SMC2: variants seen among roughly 807,000 people sequenced by gnomAD.
SMC2 encodes the protein structural maintenance of chromosomes protein 2.
SMC2 carries 41 observed loss-of-function variants against 142.6 expected under a neutral mutation model. That is an observed-to-expected ratio of 0.29 (90% CI 0.22 to 0.37). The LOEUF is 0.37. SMC2 is among the 10% of genes least tolerant of loss of function. The pLI, the probability that SMC2 is intolerant of heterozygous loss-of-function variation, is 1.00. For missense variants in SMC2, 1,265 were observed against 1,373.7 expected (o/e 0.92, Z 1.25); for synonymous variants, 463 against 457.5 (o/e 1.01, Z -0.15).
chr9:104,114,958 A>G (rs999312), intron 13 of SMC2, 129 bp downstream of exon 13: 16 of 638,814 alleles, frequency 2.5e-5, no homozygotes, highest in African/African-American at 1.6e-4. Flanking sequence ...GGGTAAAACT[A>G]TTTGGTTCAT....
rs747086609 is a variant in SMC2, at chr9:104,129,602, G to A, written c.2791-43G>A. 3.4e-6 allele frequency: 5 copies of A among 1,465,064 alleles called. No homozygotes were observed. In the South Asian group the frequency reaches 4.6e-5, roughly 13 times the overall value. 90.8% of individuals were successfully genotyped at this position (1,465,064 alleles called of 1,614,324 possible). On this transcript the variant is annotated intron_variant, in intron 20 of 24. Coordinates refer to ENST00000374793, the MANE Select transcript of SMC2 (RefSeq NM_006444.3). ...GAAACTGGCTTATACATATTGGTTT[G>A]TAAACATTCATAGATCTCCCATCTA...
At chr9:104,103,496 A>G (rs1056110687) in intron 9 of SMC2, among the ~76,000 whole-genome samples, 1 of 152,180 alleles carries the variant, frequency 6.6e-6, no homozygotes, top group Non-Finnish European at 1.5e-5. Context: ...GTGATTCAGG[A>G]GAGAGAGATG....
chr9:104,114,963 G>T, intron 13 of SMC2, 134 bp downstream of exon 13: 1 of 609,234 alleles, frequency 1.6e-6, no homozygotes, highest in Middle Eastern at 4.8e-4. Context: ...AAACTATTTG[G>T]TTCATAACTT....
At chr9:104,136,408 AGT>A (rs1835530029) in intron 23 of SMC2, among the ~76,000 whole-genome samples, 1 of 152,140 alleles carries the variant, frequency 6.6e-6, no homozygotes, top group African/African-American at 2.4e-5. Context: ...TGGATTCCAC[AGT>A]TTAGTTCCCA....
Position 104,129,861 on chromosome 9 carries a change from AT to A in SMC2, c.2991+17del. On this transcript the variant is annotated intron_variant, in intron 21 of 24. Coordinates refer to ENST00000374793, the MANE Select transcript of SMC2 (RefSeq NM_006444.3). ...TGAAGAGCGAGTAAGTCAATTTCTT[AT>A]GAATATCTGGCCGCATTAGAACATG... is the stretch of plus-strand genomic sequence containing the variant. 2 of 1,595,564 alleles carry A rather than the reference AT, an allele frequency of 1.3e-6. No homozygotes were observed. Among genetic ancestry groups the A allele is most frequent in the Non-Finnish European group, 1.7e-6 (2 of 1,164,034 alleles).
At chr9:104,093,640 G>A (rs147977639), upstream of SMC2, among the ~76,000 whole-genome samples, 60 of 152,296 alleles carry the variant, frequency 3.9e-4, no homozygotes, top group African/African-American at 1.4e-3. Flanking sequence ...GTATAAGGGA[G>A]ATGAATAGCT....
At chr9:104,122,881 A>G (rs1587969644) in intron 16 of SMC2, among the ~76,000 whole-genome samples, 1 of 152,136 alleles carries the variant, frequency 6.6e-6, no homozygotes, top group East Asian at 1.9e-4. Context: ...TAGTTGTTAC[A>G]GATTTTAGTC....
At chr9:104,111,491 A>T (rs1254176045) in intron 9 of SMC2, 90 bp from the exon 10 acceptor site, 1 of 702,344 alleles carries the variant, frequency 1.4e-6, no homozygotes, top group African/African-American at 1.8e-5. Context: ...CCAAATTGCT[A>T]TGGAATTTTA....
chr9:104,114,971 CT>C, intron 13 of SMC2, 142 bp downstream of exon 13: 1 of 568,486 alleles, frequency 1.8e-6, no homozygotes, highest in Non-Finnish European at 2.8e-6. Flanking sequence ...TGGTTCATAA[CT>C]TTTTGATAAC....
At chr9:104,133,673 G>A (rs1237075757) in intron 22 of SMC2, among the ~76,000 whole-genome samples, 2 of 152,160 alleles carry the variant, frequency 1.3e-5, no homozygotes, top group East Asian at 1.9e-4. Context: ...AAGTGCGTAT[G>A]AACAAAAATT....
rs963719576 is a variant in SMC2, at chr9:104,127,438, C to A, written c.2748C>A (p.Asn916Lys). 4 of 1,612,548 alleles carry A rather than the reference C, an allele frequency of 2.5e-6. No individual in the cohort carries two copies. The highest frequency in any genetic ancestry group is 3.4e-6 in the Non-Finnish European group (4 of 1,179,300). The change falls in exon 20 of 25, where the codon AAC becomes AAA. Residue 916 changes from asparagine (N) to lysine (K), a missense_variant. By Grantham distance (94) the Asn-to-Lys change is moderately conservative. Around this residue, in one of 4 missense-constraint regions of SMC2, gnomAD observed 898 missense variants for 904.2 expected, o/e 0.99. Transcript: ENST00000374793. ...SQLKIKELDH[N>K]ISKHKREAED... The stretch of plus-strand genomic sequence containing the variant: ...TTAAAATTAAGGAATTAGACCACAA[C>A]ATCAGCAAACATAAACGGGAGGCTG...
At chr9:104,101,241 C>A (rs950827007) in intron 7 of SMC2, among the ~76,000 whole-genome samples, 1 of 152,086 alleles carries the variant, frequency 6.6e-6, no homozygotes, top group Admixed American at 6.5e-5. Context: ...AGCCAAACGA[C>A]GTTTTTAAAG....
intron 10 of SMC2, 96 bp downstream of exon 10, chr9:104,111,910 A>G (rs1832495245): frequency 4.5e-6 from 4 of 881,058 alleles, no homozygotes; most frequent in Non-Finnish European, 6.8e-6. Context: ...GTTGAAAATA[A>G]TCAGTCTCAA....
chr9:104,121,666 A>C (rs888959604), intron 16 of SMC2, among the ~76,000 whole-genome samples: 1 of 152,248 alleles, frequency 6.6e-6, no homozygotes, highest in Admixed American at 6.5e-5. Flanking sequence ...TGTTTTTAGC[A>C]TTCAATTTCT....
chr9:104,094,487 G>C lies in SMC2; in HGVS notation c.-62+10G>C, dbSNP rs1260037503. On this transcript the variant is annotated intron_variant, in intron 1 of 24. Transcript: ENST00000374793. ...CTGGCCTGAGGCAGCGGTGAGGCGT[G>C]TGCGTGAGCACGGCCGGTTGGGCCG... is the stretch of plus-strand genomic sequence containing the variant. 3 of 395,296 alleles carry C rather than the reference G, an allele frequency of 7.6e-6. No individual in the cohort carries two copies. The highest frequency in any genetic ancestry group is 7.2e-5 in the East Asian group (2 of 27,658). 24.5% of individuals were successfully genotyped at this position (395,296 alleles called of 1,614,324 possible).
intron 22 of SMC2, 69 bp from the exon 23 acceptor site, chr9:104,134,346 C>T (rs1234923735): frequency 2.5e-6 from 3 of 1,196,558 alleles, no homozygotes; most frequent in African/African-American, 1.6e-5. Flanking sequence ...GTTGCATATA[C>T]ATATATCAAC....
chr9:104,101,906 A>G (rs967122146), intron 7 of SMC2, 54 bp from the exon 8 acceptor site: 1 of 1,086,652 alleles, frequency 9.2e-7, no homozygotes, highest in Non-Finnish European at 1.3e-6. Context: ...GCATAATTGA[A>G]TTTTTTTTTT....
intron 22 of SMC2, among the ~76,000 whole-genome samples, chr9:104,133,315 C>G (rs914321082): frequency 1.3e-5 from 2 of 152,114 alleles, no homozygotes; most frequent in African/African-American, 2.4e-5. Flanking sequence ...ATTCCTCTCT[C>G]TTGGTCCTGA....
In SMC2 at chr9:104,123,237, G is replaced by A. The variant is rs1197589897; in HGVS notation, c.2257+5G>A. The A allele has an allele frequency of 2.5e-6, 4 of 1,611,014 alleles. No individual in the cohort carries two copies. The highest frequency in any genetic ancestry group is 3.4e-6 in the Non-Finnish European group (4 of 1,178,480). ...ATGCCCTTAAAAAAACCATTGGTAA[G>A]ATGAAAACAGTCCATGCTTAATCTC... is the stretch of plus-strand genomic sequence containing the variant. On this transcript the variant is annotated splice_donor_5th_base_variant and intron_variant, in intron 17 of 24. Coordinates refer to ENST00000374793, the MANE Select transcript of SMC2 (RefSeq NM_006444.3).
Sources: allele counts gnomAD v4.1 joint callset (sites outside exome capture counted in the v4.1 genomes callset), GRCh38; gene constraint gnomAD v4.1.1; regional missense constraint gnomAD v4.1.1; transcripts MANE v1.5; gene names NCBI Gene and HGNC (gene_info 2026-07-23, HGNC 2026-07-21).